The following DCDC2C variants were observed in gnomAD, a reference collection of about 807,000 sequenced individuals.
DCDC2C encodes doublecortin domain-containing protein 2C.
DCDC2C carries 44 observed loss-of-function variants against 45.0 expected under a neutral mutation model. The ratio of observed to expected loss-of-function variants is 0.98; its 90% confidence interval spans 0.77 to 1.26. The LOEUF (loss-of-function observed/expected upper bound fraction) is 1.26. Ranked by LOEUF, DCDC2C falls within the 50% of genes most tolerant of loss-of-function variation. DCDC2C has a pLI of 0.00. For missense variants in DCDC2C, 447 were observed against 468.9 expected, an observed-to-expected ratio of 0.95 and a Z score of 0.43; for synonymous variants, 187 against 178.8, an observed-to-expected ratio of 1.05 and a Z score of -0.37.
At chr2:3,777,500 T>C (rs1670376307) in intron 8 of DCDC2C, among the ~76,000 whole-genome samples, 1 of 152,268 alleles carries the variant, frequency 6.6e-6, no homozygotes, top group Admixed American at 6.5e-5. Flanking sequence ...CAGTGATTGA[T>C]ATCACATCGA....
intron 6 of DCDC2C, among the ~76,000 whole-genome samples, chr2:3,764,577 TGA>T (rs1669968513): frequency 6.6e-6 from 1 of 152,236 alleles, no homozygotes; most frequent in East Asian, 1.9e-4. Flanking sequence ...GCCATGATTG[TGA>T]GACTTCCCCA....
In DCDC2C at chr2:3,818,893, G is replaced by A. The variant is rs945691414; in HGVS notation, c.1066-28261G>A. ...AATGTTTCAGTTAATAAGGGAACTGGGCAGGTGGGGATAACTAAAAAGGAG... is the reference window on the plus strand; with the variant it reads ...AATGTTTCAGTTAATAAGGGAACTGAGCAGGTGGGGATAACTAAAAAGGAG... On this transcript the variant is annotated intron_variant, in intron 10 of 10. Transcript: ENST00000399143. The surrounding 1 kb of genome is among the most constrained non-coding windows in gnomAD (Gnocchi z 4.7). Among the ~76,000 whole-genome samples, 4 of 152,148 alleles carry A rather than the reference G, an allele frequency of 2.6e-5. No homozygotes were observed. Among genetic ancestry groups the A allele is most frequent in the Admixed American group, 2.0e-4 (3 of 15,272 alleles).
chr2:3,741,906 T>A lies in DCDC2C; in HGVS notation c.417-14T>A, dbSNP rs989686884. 7.8e-6 allele frequency: 12 copies of A among 1,540,646 alleles called. No individual in the cohort carries two copies. The highest frequency in any genetic ancestry group is 1.0e-5 in the Non-Finnish European group (12 of 1,143,458). ...TTAAGGTATTAATGGATGCTTTTCT[T>A]TTTATTCTTACAGTGTTTTTACAAA... On this transcript the variant is annotated splice_polypyrimidine_tract_variant and intron_variant, in intron 3 of 10. Transcript: ENST00000399143.
intron 2 of DCDC2C, among the ~76,000 whole-genome samples, chr2:3,712,261 G>A (rs938125596): frequency 1.3e-5 from 2 of 152,142 alleles, no homozygotes; most frequent in African/African-American, 4.8e-5. Context: ...ACCGAAGGCT[G>A]CCCGTCACTC....
At chr2:3,789,258 A>C (rs757724466) in intron 10 of DCDC2C, among the ~76,000 whole-genome samples, 13 of 152,190 alleles carry the variant, frequency 8.5e-5, no homozygotes, top group Non-Finnish European at 1.5e-4. Context: ...AGCACCACAC[A>C]AAACTCCACG....
intron 10 of DCDC2C, among the ~76,000 whole-genome samples, chr2:3,843,287 G>A (rs1445212397): frequency 6.6e-6 from 1 of 152,256 alleles, no homozygotes; most frequent in East Asian, 1.9e-4. Context: ...GGATATGGGT[G>A]GCGAGAATGA....
intron 1 of DCDC2C, among the ~76,000 whole-genome samples, chr2:3,706,992 C>T (rs1190584894): frequency 6.6e-6 from 1 of 152,202 alleles, no homozygotes; most frequent in Non-Finnish European, 1.5e-5. Flanking sequence ...AGGTGCCTGG[C>T]ACGGATTCTC....
At chr2:3,836,183 G>T (rs1026676446) in intron 10 of DCDC2C, among the ~76,000 whole-genome samples, 7 of 152,204 alleles carry the variant, frequency 4.6e-5, no homozygotes, top group Admixed American at 2.0e-4. Context: ...CTCTTGGTAT[G>T]ATGCAGGCAC....
chr2:3,816,877 G>A (rs1671571221), intron 10 of DCDC2C, among the ~76,000 whole-genome samples: 1 of 152,228 alleles, frequency 6.6e-6, no homozygotes, highest in Non-Finnish European at 1.5e-5. Context: ...GGAACACTGA[G>A]AAGTGATTTC....
chr2:3,778,360 G>C (rs1207919343), intron 8 of DCDC2C, among the ~76,000 whole-genome samples: 1 of 152,196 alleles, frequency 6.6e-6, no homozygotes, highest in Non-Finnish European at 1.5e-5. Flanking sequence ...GAGGCTCCAG[G>C]ACACAGATTA....
At chr2:3,768,312 T>C (rs1295915688) in intron 7 of DCDC2C, among the ~76,000 whole-genome samples, 1 of 152,156 alleles carries the variant, frequency 6.6e-6, no homozygotes, top group Non-Finnish European at 1.5e-5. Flanking sequence ...AATGAGATAA[T>C]TTAGAAAGTG....
At chr2:3,749,713 T>G (rs1669482088) in intron 4 of DCDC2C, among the ~76,000 whole-genome samples, 2 of 152,206 alleles carry the variant, frequency 1.3e-5, no homozygotes, top group African/African-American at 4.8e-5. Flanking sequence ...AACCACAGTT[T>G]GGTGGCCATG....
rs572410933 is a variant in DCDC2C, at chr2:3,845,017, C to T, written c.1066-2137C>T. 3.9e-5 allele frequency among the ~76,000 whole-genome samples: 6 copies of T among 152,222 alleles called. No homozygotes were observed. In the South Asian group the frequency reaches 6.2e-4, roughly 16 times the overall value. On this transcript the variant is annotated intron_variant, in intron 10 of 10. Coordinates refer to ENST00000399143, the MANE Select transcript of DCDC2C (RefSeq NM_001287444.2). ...CACGCATCTATGTACATGCATTTGC[C>T]GATATAGGTATATATATGCCTTCTA...
intron 10 of DCDC2C, among the ~76,000 whole-genome samples, chr2:3,809,413 GT>G (rs1354917318): frequency 1.3e-5 from 2 of 152,124 alleles, no homozygotes; most frequent in Non-Finnish European, 2.9e-5. Flanking sequence ...TGAAATGAGT[GT>G]TTTGTAGCAT....
chr2:3,841,377 ATAT>A (rs1243478829), intron 10 of DCDC2C, among the ~76,000 whole-genome samples: 7 of 150,006 alleles, frequency 4.7e-5, no homozygotes, highest in Non-Finnish European at 7.4e-5. Context: ...AACAGCACAA[ATAT>A]TATTTTATAT....
chr2:3,834,569 AC>A (rs1672030223), intron 10 of DCDC2C, among the ~76,000 whole-genome samples: 1 of 152,228 alleles, frequency 6.6e-6, no homozygotes, highest in East Asian at 1.9e-4. Context: ...TGCAGAGATC[AC>A]CTGGGAGGTC....
At chr2:3,756,407 G>T (rs879726239) in intron 6 of DCDC2C, among the ~76,000 whole-genome samples, 4 of 152,128 alleles carry the variant, frequency 2.6e-5, no homozygotes, top group Non-Finnish European at 2.9e-5. Context: ...GCATTGTCCT[G>T]GTCTTTTCTT....
At chr2:3,757,827 C>T (rs1669762906) in intron 6 of DCDC2C, among the ~76,000 whole-genome samples, 1 of 152,204 alleles carries the variant, frequency 6.6e-6, no homozygotes, top group Non-Finnish European at 1.5e-5. Context: ...ACAGTTCCAA[C>T]AGATCATTGA....
intron 10 of DCDC2C, among the ~76,000 whole-genome samples, chr2:3,786,707 C>T (rs988024172): frequency 1.3e-5 from 2 of 151,922 alleles, no homozygotes; most frequent in Admixed American, 1.3e-4. Context: ...GGGTGTGTCC[C>T]GCCTGTGCAC....
Sources: gnomAD v4.1 joint callset for allele counts (sites outside exome capture counted in the v4.1 genomes callset) on GRCh38, gnomAD v4.1.1 for gene constraint, Gnocchi (gnomAD v3.1) non-coding constraint, MANE v1.5 for transcripts, NCBI Gene and HGNC (gene_info 2026-07-23, HGNC 2026-07-21) for gene names.